NNT: variants seen among roughly 807,000 people sequenced by gnomAD.
NNT encodes the protein NAD(P) transhydrogenase, mitochondrial.
Under a neutral mutation model 104.8 loss-of-function variants are expected in NNT, and 50 were observed. The ratio of observed to expected loss-of-function variants is 0.48; its 90% confidence interval spans 0.38 to 0.60. The LOEUF (loss-of-function observed/expected upper bound fraction) is 0.60, where lower values mean the gene tolerates loss of function less well. Ranked by LOEUF, NNT falls within the 20% of genes least tolerant of loss-of-function variation. The pLI is 0.00. For synonymous variants in NNT, 461 were observed against 490.4 expected, an observed-to-expected ratio of 0.94 and a Z score of 0.79; for missense variants, 1,131 against 1,330.7, an observed-to-expected ratio of 0.85 and a Z score of 2.33.
rs754744471 is a variant in NNT at position 43,702,624 on chromosome 5, C to T, written c.2999C>T (p.Thr1000Ile). ...TCTTTTTTGTTTTATTATATAGATA[C>T]TGATTTGGTCCTTGTAATTGGAGCT... is the stretch of plus-strand genomic sequence containing the variant. The part of the protein sequence containing the change: ...MDEINHDFPD[T>I]DLVLVIGAND... The change falls in exon 21 of 22, where the codon ACT (threonine) becomes ATT (isoleucine). Residue 1000 changes from threonine (T) to isoleucine (I), a missense_variant. Physicochemically the swap from Thr to Ile is moderately conservative, Grantham distance 89. Transcript: ENST00000344920. The T allele has an allele frequency of 5.0e-6, 8 of 1,593,784 alleles. No homozygotes were observed. The Admixed American group carries it at 1.4e-4, about 27-fold the overall frequency.
intron 17 of NNT, among the ~76,000 whole-genome samples, chr5:43,667,431 C>T (rs898251426): frequency 5.9e-5 from 9 of 152,128 alleles, no homozygotes; most frequent in South Asian, 2.1e-4. Context: ...CCCCACCCCA[C>T]GACAGGCCCT....
At chr5:43,679,568 G>C (rs780657465) in intron 19 of NNT, among the ~76,000 whole-genome samples, 2 of 152,144 alleles carry the variant, frequency 1.3e-5, no homozygotes, top group Non-Finnish European at 2.9e-5. Flanking sequence ...AAATAAGAGA[G>C]ATGGGAAAAA....
intron 10 of NNT, among the ~76,000 whole-genome samples, chr5:43,648,780 C>T (rs1739591118): frequency 6.6e-6 from 1 of 152,186 alleles, no homozygotes; most frequent in African/African-American, 2.4e-5. Flanking sequence ...GGTAGATCCT[C>T]TGTAGGCCTG....
intron 3 of NNT, chr5:43,613,378 A>C (rs1429267732): frequency 2.3e-6 from 1 of 430,762 alleles, no homozygotes; most frequent in Non-Finnish European, 4.1e-6. Context: ...TACATTTGCT[A>C]TATGGACATT....
intron 1 of NNT, among the ~76,000 whole-genome samples, chr5:43,603,950 C>T (rs1397443766): frequency 2.0e-5 from 3 of 152,150 alleles, no homozygotes; most frequent in African/African-American, 7.2e-5. Flanking sequence ...TCAAACTCAA[C>T]AGCCGGAATG....
intron 17 of NNT, among the ~76,000 whole-genome samples, chr5:43,671,159 T>C (rs888062298): frequency 2.6e-5 from 4 of 152,204 alleles, no homozygotes; most frequent in Non-Finnish European, 5.9e-5. Flanking sequence ...CATCCCTTTA[T>C]TTTGAGCCTA....
At chr5:43,667,288 A>T (rs1740761222) in intron 17 of NNT, 4 of 675,902 alleles carry the variant, frequency 5.9e-6, no homozygotes, top group Non-Finnish European at 1.0e-5. Context: ...TTTTATTATT[A>T]TACTTTAAGT....
chr5:43,608,256 A>G (rs551248611), intron 1 of NNT, among the ~76,000 whole-genome samples: 1 of 152,290 alleles, frequency 6.6e-6, no homozygotes, highest in South Asian at 2.1e-4. Flanking sequence ...GAAAGAAGAG[A>G]AAGGTATGGA....
At chr5:43,693,190 G>T (rs1460490598) in intron 19 of NNT, among the ~76,000 whole-genome samples, 1 of 152,032 alleles carries the variant, frequency 6.6e-6, no homozygotes, top group Non-Finnish European at 1.5e-5. Flanking sequence ...GTAAACTCAG[G>T]CACCTTGGAA....
At chr5:43,663,361 G>A (rs955638427) in intron 17 of NNT, among the ~76,000 whole-genome samples, 7 of 152,118 alleles carry the variant, frequency 4.6e-5, no homozygotes, top group African/African-American at 1.7e-4. Flanking sequence ...ACCAGTCAAA[G>A]CTCTTACTTG....
intron 19 of NNT, among the ~76,000 whole-genome samples, chr5:43,697,269 T>C (rs1041454599): frequency 5.3e-5 from 8 of 152,180 alleles, no homozygotes; most frequent in Admixed American, 3.9e-4. Context: ...TGGGGTAAAA[T>C]GCCGTCATTC....
In NNT at chr5:43,628,254, C is replaced by G. The variant is rs757697012; in HGVS notation, c.831C>G (p.Asp277Glu). ...TTGGTGCTGAGCCCTTGGAGGTGGA[C>G]TTGAAGGAATCTGGTGAGGGACAAG... is the stretch of plus-strand genomic sequence containing the variant. ...KSLGAEPLEV[D>E]LKESGEGQGG... Residue 277 changes from aspartate to glutamate, a missense_variant, in exon 7 of 22, where the codon GAC becomes GAG. Transcript: ENST00000344920. 11 of 1,613,644 alleles carry G rather than the reference C, an allele frequency of 6.8e-6. No individual in the cohort carries two copies. The South Asian group carries it at 1.2e-4, about 18-fold the overall frequency.
At chr5:43,656,525 T>C (rs1035436607) in intron 15 of NNT, 128 bp from the exon 16 acceptor site, 1 of 804,778 alleles carries the variant, frequency 1.2e-6, no homozygotes. Context: ...CTTTTGATAA[T>C]ATATGTGAAC....
In NNT at chr5:43,704,546, C is replaced by A; in HGVS notation, c.*142C>A. ...AAGACTGAAGAAAGCAAAGCAAAAA[C>A]TGTATAGAGAGATTTTTCAAAAGCA... On this transcript the variant is annotated 3_prime_UTR_variant, in exon 22 of 22. Transcript: ENST00000344920. 1 of 733,338 alleles carries A rather than the reference C, an allele frequency of 1.4e-6. No homozygotes were observed. Among genetic ancestry groups the A allele is most frequent in the Non-Finnish European group, 2.1e-6 (1 of 484,804 alleles). 45.4% of individuals were successfully genotyped at this position (733,338 alleles called of 1,614,324 possible).
chr5:43,641,298 C>T (rs1751219985), intron 7 of NNT, among the ~76,000 whole-genome samples: 2 of 151,468 alleles, frequency 1.3e-5, no homozygotes, highest in Non-Finnish European at 2.9e-5. Context: ...ATTTTTTTCC[C>T]TTCTGTTTTC....
intron 19 of NNT, among the ~76,000 whole-genome samples, chr5:43,691,070 A>AGAGAGAGAGAGTGTGTGTGT (rs1245517310): frequency 7.3e-6 from 1 of 137,400 alleles, no homozygotes; most frequent in African/African-American, 2.7e-5. Context: ...TTTTTGAGAG[A>AGAGAGAGAGAGTGTGTGTGT]GTGTGTGTGT....
chr5:43,637,314 C>A (rs753301026), intron 7 of NNT, among the ~76,000 whole-genome samples: 6 of 152,126 alleles, frequency 3.9e-5, no homozygotes, highest in Non-Finnish European at 7.4e-5. Flanking sequence ...CATAATCTAT[C>A]ATTTCTTATT....
chr5:43,659,468 C>A, intron 17 of NNT, 118 bp downstream of exon 17: 1 of 848,692 alleles, frequency 1.2e-6, no homozygotes, highest in Non-Finnish European at 1.8e-6. Flanking sequence ...TGGTAGCTCA[C>A]ACCTGTAATC....
intron 7 of NNT, among the ~76,000 whole-genome samples, chr5:43,630,511 C>T (rs1292258403): frequency 6.6e-6 from 1 of 152,136 alleles, no homozygotes. Flanking sequence ...ATGGGAATGA[C>T]CCTTTGTCAG....
Sources: gnomAD v4.1 joint callset for allele counts (sites outside exome capture counted in the v4.1 genomes callset) on GRCh38, gnomAD v4.1.1 for gene constraint, MANE v1.5 for transcripts, NCBI Gene and HGNC (gene_info 2026-07-23, HGNC 2026-07-21) for gene names.